The following COL21A1 variants were observed in gnomAD, a reference collection of about 807,000 sequenced individuals.
The protein encoded by COL21A1 is collagen type XXI alpha 1 chain.
A neutral mutation model predicts 137.9 loss-of-function variants in COL21A1; 149 were observed. The ratio of observed to expected loss-of-function variants is 1.08; its 90% CI spans 0.95 to 1.24. The LOEUF (loss-of-function observed/expected upper bound fraction) is 1.24. COL21A1 is among the 50% of genes most tolerant of loss of function. The pLI is 0.00. For missense variants in COL21A1, 1,167 were observed against 1,158.4 expected, an observed-to-expected ratio of 1.01 and a Z score of -0.11; for synonymous variants, 456 against 391.5, an observed-to-expected ratio of 1.16 and a Z score of -1.95.
chr6:56,250,141 T>C (rs1311720662), upstream of COL21A1, among the ~76,000 whole-genome samples: 1 of 152,236 alleles, frequency 6.6e-6, no homozygotes, highest in Admixed American at 6.5e-5. Flanking sequence ...ATGTGGCACA[T>C]ACATACTTAG....
chr6:56,260,669 AAGGAAGGAAGGAAGGAAGGAAGGC>A (rs1562028922), intron 1 of COL21A1, among the ~76,000 whole-genome samples: 58 of 129,204 alleles, frequency 4.5e-4, no homozygotes, highest in Admixed American at 1.2e-3. Context: ...TGAAGGAAGG[AAGGAAGGAAGGAAGGAAGGAAGGC>A]AGGCAGGCAG....
chr6:56,262,207 C>T (rs951330011), intron 1 of COL21A1, among the ~76,000 whole-genome samples: 2 of 152,160 alleles, frequency 1.3e-5, no homozygotes, highest in Non-Finnish European at 2.9e-5. Flanking sequence ...AAAATCCTAC[C>T]CAACCTTAAG....
chr6:56,301,065 C>T (rs180780157), intron 1 of COL21A1, among the ~76,000 whole-genome samples: 17 of 152,212 alleles, frequency 1.1e-4, no homozygotes, highest in African/African-American at 4.1e-4. Context: ...AATTATAAGG[C>T]AAGGCAGAAT....
intron 1 of COL21A1, among the ~76,000 whole-genome samples, chr6:56,234,278 T>G (rs958386131): frequency 3.3e-5 from 5 of 151,608 alleles, no homozygotes; most frequent in African/African-American, 1.2e-4. Flanking sequence ...ATGTTGAATA[T>G]AAAGGGGCAG....
At chr6:56,076,668 C>T (rs1767273568) in intron 18 of COL21A1, among the ~76,000 whole-genome samples, 1 of 151,162 alleles carries the variant, frequency 6.6e-6, no homozygotes, top group African/African-American at 2.4e-5. Context: ...TAAGGTATAT[C>T]TAAAACATTT....
At position 56,391,207 on chromosome 6, in the gene COL21A1, A is replaced by G. The variant is rs558850983; in HGVS notation, c.-39+2764T>C. 1.1e-4 allele frequency among the ~76,000 whole-genome samples: 17 copies of G among 152,190 alleles called. No homozygotes were observed. The South Asian group carries it at 3.5e-3, about 32-fold the overall frequency. On this transcript the variant is annotated intron_variant, in intron 1 of 28. Transcript: ENST00000370819. ...CCAACACATGGAAATTAAACATTAC[A>G]CTCCTGAATGGCTACTGGGTCAATG...
Position 56,321,849 on chromosome 6 carries a change from G to A in COL21A1, c.-39+72122C>T, listed in dbSNP as rs114999926. Among the ~76,000 whole-genome samples the A allele has an allele frequency of 3.4e-3, 518 of 152,232 alleles. 1 individual carries two copies. Among genetic ancestry groups the A allele is most frequent in the African/African-American group, 9.3e-3 (386 of 41,548 alleles). On this transcript the variant is annotated intron_variant, in intron 1 of 28. Coordinates refer to the COL21A1 transcript ENST00000370819. Reference sequence around the variant, plus strand: ...CAACGTCACCCATTCTTCTATGGTCGTTCAGCATTTGAAGCAAATTGGAAA... The same window carrying A: ...CAACGTCACCCATTCTTCTATGGTCATTCAGCATTTGAAGCAAATTGGAAA...
At chr6:56,068,322 A>G (rs1187793430) in intron 22 of COL21A1, among the ~76,000 whole-genome samples, 1 of 151,632 alleles carries the variant, frequency 6.6e-6, no homozygotes, top group Non-Finnish European at 1.5e-5. Context: ...TTTCCAGAAT[A>G]AAAACCGATA....
intron 1 of COL21A1, among the ~76,000 whole-genome samples, chr6:56,318,524 A>G (rs1185428568): frequency 3.3e-5 from 5 of 152,096 alleles, no homozygotes; most frequent in African/African-American, 1.2e-4. Context: ...TGCAGGGGGA[A>G]ATAAAATAAG....
At chr6:56,265,341 C>T (rs769504606) in intron 1 of COL21A1, among the ~76,000 whole-genome samples, 1 of 152,168 alleles carries the variant, frequency 6.6e-6, no homozygotes, top group Admixed American at 6.5e-5. Context: ...CCAGAATTTG[C>T]ATGCCTTTTA....
chr6:56,086,731 A>AT (rs988383294), intron 17 of COL21A1, among the ~76,000 whole-genome samples: 2 of 152,040 alleles, frequency 1.3e-5, no homozygotes, highest in Non-Finnish European at 2.9e-5. Context: ...TTTCTGCCCG[A>AT]TTTTTTGCTT....
At chr6:56,276,393 AT>A (rs767947682) in intron 1 of COL21A1, 103 of 551,380 alleles carry the variant, frequency 1.9e-4, no homozygotes, top group Non-Finnish European at 3.1e-4. Context: ...AGTTGAAATA[AT>A]TTTTAAAAAG....
chr6:56,344,701 A>G (rs1403360589), intron 1 of COL21A1, among the ~76,000 whole-genome samples: 1 of 151,282 alleles, frequency 6.6e-6, no homozygotes, highest in Non-Finnish European at 1.5e-5. Flanking sequence ...TGGGGAGGTG[A>G]CTGGGTCATG....
At chr6:56,266,388 T>C (rs1763391402) in intron 1 of COL21A1, among the ~76,000 whole-genome samples, 1 of 152,048 alleles carries the variant, frequency 6.6e-6, no homozygotes, top group African/African-American at 2.4e-5. Context: ...ATGATCTTTT[T>C]TGTTTTTTTG....
At chr6:56,151,924 T>C (rs1775361355) in intron 10 of COL21A1, among the ~76,000 whole-genome samples, 1 of 152,024 alleles carries the variant, frequency 6.6e-6, no homozygotes, top group African/African-American at 2.4e-5. Flanking sequence ...AAAAGAAATA[T>C]GGGGGAAGTA....
At chr6:56,114,701 A>T (rs1246035132) in intron 16 of COL21A1, among the ~76,000 whole-genome samples, 3 of 150,016 alleles carry the variant, frequency 2.0e-5, no homozygotes, top group African/African-American at 4.9e-5. Context: ...GTGGAGAAAT[A>T]GGAACACTTT....
intron 1 of COL21A1, among the ~76,000 whole-genome samples, chr6:56,269,551 A>T (rs1410689178): frequency 6.8e-6 from 1 of 146,548 alleles, no homozygotes; most frequent in African/African-American, 2.5e-5. Context: ...GCTACTTGGG[A>T]GGCTGAGGCA....
chr6:56,303,526 T>G (rs1201201654), intron 1 of COL21A1, among the ~76,000 whole-genome samples: 1 of 152,214 alleles, frequency 6.6e-6, no homozygotes, highest in Non-Finnish European at 1.5e-5. Flanking sequence ...GATTTGACTC[T>G]CTGTTTGTCT....
At chr6:56,151,136 G>A (rs1465509927) in intron 10 of COL21A1, among the ~76,000 whole-genome samples, 1 of 152,126 alleles carries the variant, frequency 6.6e-6, no homozygotes, top group Non-Finnish European at 1.5e-5. Flanking sequence ...TGAGGCAGGA[G>A]AATGGCATGA....
Sources: gnomAD v4.1 joint callset for allele counts (sites outside exome capture counted in the v4.1 genomes callset) on GRCh38, gnomAD v4.1.1 for gene constraint, MANE v1.5 for transcripts, NCBI Gene and HGNC (gene_info 2026-07-23, HGNC 2026-07-21) for gene names.